The following BMPER variants were observed in gnomAD, a reference collection of about 807,000 sequenced individuals.
BMPER encodes the protein BMP-binding endothelial regulator protein.
BMPER carries 45 observed loss-of-function variants against 87.3 expected under a neutral mutation model. That is an observed-to-expected ratio of 0.52 (90% CI 0.41 to 0.66). The LOEUF (loss-of-function observed/expected upper bound fraction) is 0.66. Among genes scored for constraint, BMPER ranks in the 30% least tolerant of loss-of-function variants. The pLI, the probability that BMPER is intolerant of heterozygous loss-of-function variation, is 0.00. For missense variants in BMPER, 784 were observed against 867.5 expected (o/e 0.90, Z 1.21); for synonymous variants, 326 against 316.2 (o/e 1.03, Z -0.33).
At chr7:33,906,683 T>C (rs952047903) in intron 1 of BMPER, 135 bp from the exon 2 acceptor site, 1 of 786,652 alleles carries the variant, frequency 1.3e-6, no homozygotes, top group South Asian at 1.5e-5. Flanking sequence ...TTGGTGAATT[T>C]AATAATTTAA....
intron 2 of BMPER, 36 bp from the exon 3 acceptor site, chr7:33,937,253 G>A (rs1474865138): frequency 1.3e-6 from 2 of 1,597,976 alleles, no homozygotes; most frequent in Non-Finnish European, 1.7e-6. Context: ...TCTGTTTGAT[G>A]TCTATTTCAA....
At chr7:34,012,243 T>C (rs749642953) in intron 6 of BMPER, among the ~76,000 whole-genome samples, 13 of 151,936 alleles carry the variant, frequency 8.6e-5, no homozygotes, top group Non-Finnish European at 1.9e-4. Context: ...AGGGATTTCA[T>C]GTTTAAAAAT....
chr7:34,153,304 C>G lies in BMPER; in HGVS notation c.*31C>G. 6.2e-7 allele frequency: 1 copy of G among 1,612,752 alleles called. No individual in the cohort carries two copies. The highest frequency in any genetic ancestry group is 8.5e-7 in the Non-Finnish European group (1 of 1,179,404). ...GTTTCGATCCTTAAGACTCTGAAAT[C>G]TGGTGACTTTGACACTGAAGCGGAA... On this transcript the variant is annotated 3_prime_UTR_variant, in exon 15 of 15. Transcript: ENST00000649409.
rs188603434 is a variant in BMPER, at chr7:34,056,256, G to T, written c.927+953G>T. Among the ~76,000 whole-genome samples the T allele has an allele frequency of 7.0e-4, 106 of 152,254 alleles. 1 individual carries two copies. Among genetic ancestry groups the T allele is most frequent in the African/African-American group, 2.5e-3 (103 of 41,536 alleles). On this transcript the variant is annotated intron_variant, in intron 9 of 14. Transcript: ENST00000649409. The stretch of plus-strand genomic sequence containing the variant: ...CTGTTGGGGGGTAGGGTGGAGGGAG[G>T]GAGAGTATTAGAAAGGATGGCTAAT...
intron 3 of BMPER, among the ~76,000 whole-genome samples, chr7:33,956,131 C>T (rs575022220): frequency 4.6e-5 from 7 of 152,044 alleles, no homozygotes; most frequent in East Asian, 1.9e-4. Context: ...CTGTAAAACT[C>T]GTAGAAAACG....
chr7:34,067,369 A>T (rs1247585736), intron 11 of BMPER: 2 of 152,162 alleles, frequency 1.3e-5, no homozygotes, highest in African/African-American at 4.8e-5. Flanking sequence ...GGAGACTATA[A>T]TAACAATTTC....
At chr7:33,943,651 T>A (rs1784817549) in intron 3 of BMPER, among the ~76,000 whole-genome samples, 1 of 152,216 alleles carries the variant, frequency 6.6e-6, no homozygotes, top group Non-Finnish European at 1.5e-5. Flanking sequence ...CAAGGCTATT[T>A]TCTTTCCCTC....
chr7:34,034,210 A>G lies in BMPER; in HGVS notation c.577-12096A>G, dbSNP rs115774040. 8.9e-3 allele frequency among the ~76,000 whole-genome samples: 1,355 copies of G among 152,326 alleles called. 18 individuals carry two copies. The highest frequency in any genetic ancestry group is 0.031 in the African/African-American group (1,279 of 41,584). On this transcript the variant is annotated intron_variant, in intron 6 of 14. Transcript: ENST00000649409. ...CTAATATTATTCCAGGAGAACTTCAATTTAATATAACTTATTGGCCAAACA... is the reference window on the plus strand; with the variant it reads ...CTAATATTATTCCAGGAGAACTTCAGTTTAATATAACTTATTGGCCAAACA...
chr7:34,132,060 G>C (rs1232078302), intron 13 of BMPER, among the ~76,000 whole-genome samples: 1 of 152,122 alleles, frequency 6.6e-6, no homozygotes, highest in Non-Finnish European at 1.5e-5. Context: ...ATGTGGAAAG[G>C]GGTAATAATG....
At chr7:34,120,829 A>G (rs894490090) in intron 13 of BMPER, among the ~76,000 whole-genome samples, 2 of 152,210 alleles carry the variant, frequency 1.3e-5, no homozygotes, top group Admixed American at 6.5e-5. Context: ...ATGAATGTGC[A>G]TAAATTGTGG....
At chr7:33,964,677 C>T (rs1005705242) in intron 3 of BMPER, among the ~76,000 whole-genome samples, 1 of 152,174 alleles carries the variant, frequency 6.6e-6, no homozygotes, top group African/African-American at 2.4e-5. Flanking sequence ...TTGCACATGA[C>T]CTGGCATTGC....
chr7:34,151,126 A>G (rs1442179918), intron 14 of BMPER, among the ~76,000 whole-genome samples: 1 of 152,162 alleles, frequency 6.6e-6, no homozygotes, highest in East Asian at 1.9e-4. Flanking sequence ...GAGCCTATTG[A>G]TGTCATCTGT....
intron 2 of BMPER, among the ~76,000 whole-genome samples, chr7:33,920,281 C>T (rs1784189046): frequency 6.6e-6 from 1 of 152,122 alleles, no homozygotes; most frequent in African/African-American, 2.4e-5. Context: ...AGGGGCCCAG[C>T]AGTGGTGGCT....
chr7:34,153,377 A>T lies in BMPER; in HGVS notation c.*104A>T. 8.7e-7 allele frequency: 1 copy of T among 1,150,674 alleles called. No individual in the cohort carries two copies. Among genetic ancestry groups the T allele is most frequent in the Non-Finnish European group, 1.3e-6 (1 of 769,128 alleles). The allele number at this position is 1,150,674 out of a possible 1,614,324, so 71.3% of individuals were successfully genotyped here. A position where few individuals can be genotyped will look rare whatever the true frequency, so the allele number is the denominator to read the frequency against. On this transcript the variant is annotated 3_prime_UTR_variant, in exon 15 of 15. Coordinates refer to ENST00000649409, the MANE Select transcript of BMPER (RefSeq NM_001365308.1). ...TTTGTGTGCCCGATTCTGTAAACAC[A>T]CACACACAGAGTATATATGTGTATA... is the stretch of plus-strand genomic sequence containing the variant.
intron 3 of BMPER, among the ~76,000 whole-genome samples, chr7:33,941,145 A>G (rs925510718): frequency 1.4e-5 from 2 of 138,632 alleles, no homozygotes; most frequent in Non-Finnish European, 3.1e-5. Context: ...TATGTAATAT[A>G]TTACATATAA....
At chr7:33,907,450 G>A (rs1783850626) in intron 2 of BMPER, among the ~76,000 whole-genome samples, 1 of 152,134 alleles carries the variant, frequency 6.6e-6, no homozygotes, top group African/African-American at 2.4e-5. Flanking sequence ...TTCTGATTTG[G>A]AAGCATGAGT....
In BMPER at chr7:33,962,087, C is replaced by G. The variant is rs192558943; in HGVS notation, c.320-4392C>G. ...TGATTTTTAACAGCTATTTTAACAACAGAATGATGAAAATGTGTGGTATTC... is the reference window on the plus strand; with the variant it reads ...TGATTTTTAACAGCTATTTTAACAAGAGAATGATGAAAATGTGTGGTATTC... On this transcript the variant is annotated intron_variant, in intron 3 of 14. Coordinates refer to ENST00000649409, the MANE Select transcript of BMPER (RefSeq NM_001365308.1). 5.3e-5 allele frequency among the ~76,000 whole-genome samples: 8 copies of G among 152,264 alleles called. No individual in the cohort carries two copies. In the East Asian group the frequency reaches 1.5e-3, roughly 29 times the overall value.
chr7:33,906,735 A>C, intron 1 of BMPER, 83 bp from the exon 2 acceptor site: 1 of 1,254,352 alleles, frequency 8.0e-7, no homozygotes, highest in Non-Finnish European at 1.2e-6. Context: ...GGTTTCAAAA[A>C]GGATTAGTGT....
intron 13 of BMPER, among the ~76,000 whole-genome samples, chr7:34,113,412 G>T (rs1477114516): frequency 6.6e-6 from 1 of 151,670 alleles, no homozygotes; most frequent in Non-Finnish European, 1.5e-5. Flanking sequence ...GGGCTGACTT[G>T]CCCCTAGATT....
Sources: allele counts gnomAD v4.1 joint callset (sites outside exome capture counted in the v4.1 genomes callset), GRCh38; gene constraint gnomAD v4.1.1; transcripts MANE v1.5; gene names NCBI Gene and HGNC (gene_info 2026-07-23, HGNC 2026-07-21).